The following PREX2 variants were observed in gnomAD, a reference collection of about 807,000 sequenced individuals.
PREX2 encodes the protein phosphatidylinositol 3,4,5-trisphosphate-dependent Rac exchanger 2 protein.
PREX2 carries 107 observed loss-of-function variants against 203.2 expected under a neutral mutation model. The observed-to-expected ratio is 0.53, with a 90% confidence interval of 0.45 to 0.62. The LOEUF (loss-of-function observed/expected upper bound fraction) is 0.62, where lower values mean the gene tolerates loss of function less well. Among genes scored for constraint, PREX2 ranks in the 20% least tolerant of loss-of-function variants. The pLI, the probability that PREX2 is intolerant of heterozygous loss-of-function variation, is 0.00. For synonymous variants in PREX2, 672 were observed against 663.6 expected, an observed-to-expected ratio of 1.01 and a Z score of -0.19; for missense variants, 1,777 against 1,955.9, an observed-to-expected ratio of 0.91 and a Z score of 1.72.
In PREX2 at chr8:68,099,833, G is replaced by T. The variant is rs1303078798; in HGVS notation, c.2705G>T (p.Ser902Ile). The T allele has an allele frequency of 1.2e-6, 2 of 1,609,776 alleles. No homozygotes were observed. The highest frequency in any genetic ancestry group is 1.3e-5 in the African/African-American group (1 of 74,808). Residue 902 changes from serine to isoleucine, a missense_variant, in exon 23 of 40, where the codon AGT becomes ATT. By Grantham distance (142) the Ser-to-Ile change is moderately radical. Coordinates refer to ENST00000288368, the MANE Select transcript of PREX2 (RefSeq NM_024870.4). ...RIEHLCQRIS[S>I]YKKFSRVLKN... ...GAACACCTATGTCAGAGAATATCCAGTTATAAAAAGGTAAGTGTTCTATTG... is the reference window on the plus strand; with the variant it reads ...GAACACCTATGTCAGAGAATATCCATTTATAAAAAGGTAAGTGTTCTATTG...
intron 22 of PREX2, 73 bp from the exon 23 acceptor site, chr8:68,099,609 G>C (rs145965029): frequency 7.1e-7 from 1 of 1,407,106 alleles, no homozygotes; most frequent in African/African-American, 1.4e-5. Flanking sequence ...TTCTTGTTTC[G>C]TTTTGTTTTT....
Position 68,207,259 on chromosome 8 carries a change from A to C in PREX2, c.4605-10357A>C, listed in dbSNP as rs375636276. ...GCAAGGCAATGGTTGTGAAAGAAGAATCATATCCCATTTAGAAGCCATAAG... is the reference window on the plus strand; with the variant it reads ...GCAAGGCAATGGTTGTGAAAGAAGACTCATATCCCATTTAGAAGCCATAAG... On this transcript the variant is annotated intron_variant, in intron 37 of 39. Coordinates refer to ENST00000288368, the MANE Select transcript of PREX2 (RefSeq NM_024870.4). Among the ~76,000 whole-genome samples the C allele has an allele frequency of 1.8e-4, 27 of 152,306 alleles. No homozygotes were observed. The South Asian group carries it at 5.4e-3, about 30-fold the overall frequency.
In PREX2 at chr8:68,206,681, A is replaced by T. The variant is rs1223724596; in HGVS notation, c.4605-10935A>T. Among the ~76,000 whole-genome samples, 7 of 152,210 alleles carry T rather than the reference A, an allele frequency of 4.6e-5. No homozygotes were observed. The East Asian group carries it at 1.2e-3, about 25-fold the overall frequency. On this transcript the variant is annotated intron_variant, in intron 37 of 39. Coordinates refer to ENST00000288368, the MANE Select transcript of PREX2 (RefSeq NM_024870.4). Reference sequence around the variant, plus strand: ...GTATGGCAGAAGACAAATGTTTAGGATTTAAAAAGAATTAGACGTTTATTC... The same window carrying T: ...GTATGGCAGAAGACAAATGTTTAGGTTTTAAAAAGAATTAGACGTTTATTC...
Position 68,231,579 on chromosome 8 carries a change from C to G in PREX2, c.*201C>G, listed in dbSNP as rs1401882423. On this transcript the variant is annotated 3_prime_UTR_variant, in exon 40 of 40. Transcript: ENST00000288368. Reference sequence around the variant, plus strand: ...TGCTGGAAATGGATAGAAGTTCAATCAGACAGTTCAGCTTCACGAACTGAT... The same window carrying G: ...TGCTGGAAATGGATAGAAGTTCAATGAGACAGTTCAGCTTCACGAACTGAT... The G allele has an allele frequency of 7.2e-6, 3 of 418,206 alleles. No individual in the cohort carries two copies. The Admixed American group carries it at 1.3e-4, about 19-fold the overall frequency. The allele number at this position is 418,206 out of a possible 1,614,324, so 25.9% of individuals were successfully genotyped here. A position where few individuals can be genotyped will look rare whatever the true frequency, so the allele number is the denominator to read the frequency against.
At chr8:67,970,540 C>T (rs1287199383) in intron 1 of PREX2, among the ~76,000 whole-genome samples, 1 of 152,186 alleles carries the variant, frequency 6.6e-6, no homozygotes, top group African/African-American at 2.4e-5. Flanking sequence ...CTCCAACAAC[C>T]TCCTACAGAG....
intron 37 of PREX2, among the ~76,000 whole-genome samples, chr8:68,203,689 A>G (rs1039962140): frequency 2.0e-5 from 3 of 152,194 alleles, no homozygotes; most frequent in Non-Finnish European, 4.4e-5. Flanking sequence ...GGCAGCACAT[A>G]TAGAGTATTA....
At chr8:68,033,371 T>G (rs955654030) in intron 6 of PREX2, among the ~76,000 whole-genome samples, 1 of 152,142 alleles carries the variant, frequency 6.6e-6, no homozygotes, top group African/African-American at 2.4e-5. Context: ...TAAAAGTGCT[T>G]TGAATACTGT....
At chr8:68,031,559 A>G (rs1228224708) in intron 6 of PREX2, among the ~76,000 whole-genome samples, 6 of 152,174 alleles carry the variant, frequency 3.9e-5, no homozygotes, top group Admixed American at 3.9e-4. Context: ...CAGATATGCA[A>G]AGAAACCTCA....
At chr8:68,036,424 T>C (rs1286234166) in intron 6 of PREX2, among the ~76,000 whole-genome samples, 1 of 152,174 alleles carries the variant, frequency 6.6e-6, no homozygotes, top group Non-Finnish European at 1.5e-5. Flanking sequence ...AAAATTAAGA[T>C]GATATCTGCA....
chr8:68,129,684 C>G lies in PREX2; in HGVS notation c.3766+2265C>G, dbSNP rs113346285. Reference sequence around the variant, plus strand: ...CAGCTAGCTAATTACAGATCTTAAACTTCTAAACAGCCAAGATTAAATAGT... The same window carrying G: ...CAGCTAGCTAATTACAGATCTTAAAGTTCTAAACAGCCAAGATTAAATAGT... On this transcript the variant is annotated intron_variant, in intron 31 of 39. Coordinates refer to ENST00000288368, the MANE Select transcript of PREX2 (RefSeq NM_024870.4). Among the ~76,000 whole-genome samples the G allele has an allele frequency of 4.2e-3, 642 of 152,188 alleles. 5 individuals are homozygous for G. Among genetic ancestry groups the G allele is most frequent in the Non-Finnish European group, 5.3e-3 (361 of 68,002 alleles).
intron 1 of PREX2, among the ~76,000 whole-genome samples, chr8:67,955,935 G>A (rs1420664641): frequency 6.6e-6 from 1 of 152,184 alleles, no homozygotes; most frequent in Non-Finnish European, 1.5e-5. Flanking sequence ...TGTGGTACCT[G>A]CCTTTAAAAC....
chr8:68,146,222 A>G lies in PREX2; in HGVS notation c.4101A>G (p.Thr1367=), dbSNP rs149111037. ...ATATCATTTTAGATGTTCCTCTTAC[A>G]TATCAAGCAGAAGGAAGTCGGCAAG... is the stretch of plus-strand genomic sequence containing the variant. ...EEPLVANVPL[T]YQAEGSRQAL... Residue 1367 remains threonine (T), a synonymous_variant, in exon 34 of 40, where the codon ACA becomes ACG. Coordinates refer to ENST00000288368, the MANE Select transcript of PREX2 (RefSeq NM_024870.4). 5.0e-6 allele frequency: 8 copies of G among 1,607,404 alleles called. No individual in the cohort carries two copies. The African/African-American group carries it at 6.7e-5, about 13-fold the overall frequency.
chr8:68,044,392 G>A (rs191960278), intron 7 of PREX2, 95 bp from the exon 8 acceptor site: 6 of 787,196 alleles, frequency 7.6e-6, no homozygotes, highest in Non-Finnish European at 1.3e-5. Flanking sequence ...GATTGAATTG[G>A]TGTCTTTTTT....
intron 35 of PREX2, chr8:68,176,623 GAGAAGAGGTATGTATT>G (rs1380863459): frequency 6.6e-6 from 1 of 152,154 alleles, no homozygotes; most frequent in Non-Finnish European, 1.5e-5. Flanking sequence ...AGCATTAGCT[GAGAAGAGGTATGTATT>G]ATCCTCAGTA....
chr8:68,147,116 G>T, intron 34 of PREX2, among the ~76,000 whole-genome samples: 1 of 152,102 alleles, frequency 6.6e-6, no homozygotes, highest in East Asian at 1.9e-4. Context: ...GATTGTATCA[G>T]TTTCTCTGAA....
chr8:68,109,010 A>G (rs950576588), intron 24 of PREX2: 1 of 451,966 alleles, frequency 2.2e-6, no homozygotes. Flanking sequence ...ATCTCATAGA[A>G]GTAGAGAGTA....
intron 35 of PREX2, among the ~76,000 whole-genome samples, chr8:68,173,470 A>G (rs1050844732): frequency 9.2e-5 from 14 of 152,202 alleles, no homozygotes; most frequent in Admixed American, 3.9e-4. Flanking sequence ...TTTACTGAGA[A>G]TGTGATATAA....
intron 2 of PREX2, among the ~76,000 whole-genome samples, chr8:68,018,137 T>C (rs999502145): frequency 6.6e-6 from 1 of 152,012 alleles, no homozygotes; most frequent in African/African-American, 2.4e-5. Context: ...AGTTGTTTTT[T>C]TTTTCAACCA....
intron 37 of PREX2, among the ~76,000 whole-genome samples, chr8:68,194,675 C>T (rs1812361045): frequency 1.3e-5 from 2 of 151,772 alleles, no homozygotes; most frequent in South Asian, 2.1e-4. Flanking sequence ...GTGGCAAATG[C>T]CTGTAGTCCC....
Sources: allele counts gnomAD v4.1 joint callset (sites outside exome capture counted in the v4.1 genomes callset), GRCh38; gene constraint gnomAD v4.1.1; transcripts MANE v1.5; gene names NCBI Gene and HGNC (gene_info 2026-07-23, HGNC 2026-07-21).